COL21A1: variants seen among roughly 807,000 people sequenced by gnomAD.
COL21A1 encodes the protein collagen alpha-1(XXI) chain.
COL21A1 carries 149 observed loss-of-function variants against 137.9 expected under a neutral mutation model. The ratio of observed to expected loss-of-function variants is 1.08; its 90% CI spans 0.95 to 1.24. The LOEUF (loss-of-function observed/expected upper bound fraction) is 1.24. COL21A1 is among the 50% of genes most tolerant of loss of function. The pLI is 0.00. For missense variants in COL21A1, 1,167 were observed against 1,158.4 expected, an observed-to-expected ratio of 1.01 and a Z score of -0.11; for synonymous variants, 456 against 391.5, an observed-to-expected ratio of 1.16 and a Z score of -1.95.
At chr6:56,094,533 A>G (rs1769150004) in intron 17 of COL21A1, among the ~76,000 whole-genome samples, 1 of 152,162 alleles carries the variant, frequency 6.6e-6, no homozygotes, top group South Asian at 2.1e-4. Flanking sequence ...CATGTGTCTC[A>G]AAATTCTTAC....
At chr6:56,064,785 G>T (rs370746904) in intron 23 of COL21A1, among the ~76,000 whole-genome samples, 163 bp from the exon 24 acceptor site, 1 of 151,908 alleles carries the variant, frequency 6.6e-6, no homozygotes, top group Non-Finnish European at 1.5e-5. Flanking sequence ...GTTACTCAGC[G>T]AAAAAGAAGA....
At chr6:56,233,372 T>C (rs1781704599) in intron 1 of COL21A1, among the ~76,000 whole-genome samples, 1 of 151,810 alleles carries the variant, frequency 6.6e-6, no homozygotes, top group African/African-American at 2.4e-5. Flanking sequence ...TTAACAGCCA[T>C]AGAAACAGTT....
chr6:56,106,873 G>A (rs1053854784), intron 16 of COL21A1, among the ~76,000 whole-genome samples: 5 of 151,710 alleles, frequency 3.3e-5, no homozygotes, highest in Non-Finnish European at 5.9e-5. Flanking sequence ...TGCAAGCTCC[G>A]CCTCCCGGGT....
intron 17 of COL21A1, among the ~76,000 whole-genome samples, chr6:56,098,608 TATATATAAATATATATAA>T (rs1770027542): frequency 9.8e-5 from 1 of 10,188 alleles, no homozygotes; most frequent in Non-Finnish European, 1.9e-4. Context: ...TATATATAAA[TATATATAAATATATATAA>T]ATATATATAT....
At chr6:56,219,149 G>A (rs1338540757) in intron 1 of COL21A1, among the ~76,000 whole-genome samples, 1 of 143,218 alleles carries the variant, frequency 7.0e-6, no homozygotes, top group African/African-American at 2.6e-5. Flanking sequence ...AACAACCAGC[G>A]ACTGCTAGCT....
chr6:56,110,697 A>G (rs1378598135), intron 16 of COL21A1, among the ~76,000 whole-genome samples: 1 of 152,068 alleles, frequency 6.6e-6, no homozygotes, highest in Non-Finnish European at 1.5e-5. Context: ...GCTAGCAACA[A>G]ACTGAAAAAT....
upstream of COL21A1, among the ~76,000 whole-genome samples, chr6:56,250,718 A>G (rs887494631): frequency 1.9e-4 from 29 of 152,204 alleles, no homozygotes; most frequent in Non-Finnish European, 1.6e-4. Context: ...TTAAGCTGCT[A>G]AATTTGTGGT....
intron 1 of COL21A1, among the ~76,000 whole-genome samples, chr6:56,208,015 T>A (rs1779902643): frequency 6.6e-6 from 1 of 152,116 alleles, no homozygotes; most frequent in African/African-American, 2.4e-5. Context: ...ATAAGCTAGG[T>A]ATCGATGGAA....
At chr6:56,309,754 T>C (rs184976391) in intron 1 of COL21A1, among the ~76,000 whole-genome samples, 1 of 152,172 alleles carries the variant, frequency 6.6e-6, no homozygotes, top group Non-Finnish European at 1.5e-5. Context: ...ATCATAATGG[T>C]CTTTAGAACA....
chr6:56,284,710 A>AT (rs1763863410), intron 1 of COL21A1, among the ~76,000 whole-genome samples: 1 of 152,012 alleles, frequency 6.6e-6, no homozygotes, highest in South Asian at 2.1e-4. Context: ...AATAAAATCA[A>AT]TCTCATTACG....
Position 56,362,307 on chromosome 6 carries a change from AG to A in COL21A1, c.-39+31663del, listed in dbSNP as rs374727312. ...GTTATCTCTGTGTGGTGGGACTATG[AG>A]TGCCTTAAGTTTTCTTATTTTTGCT... On this transcript the variant is annotated intron_variant, in intron 1 of 28. Coordinates refer to the COL21A1 transcript ENST00000370819. Among the ~76,000 whole-genome samples the A allele has an allele frequency of 2.7e-4, 41 of 152,300 alleles. 2 individuals carry two copies. The South Asian group carries it at 8.5e-3, about 32-fold the overall frequency.
intron 1 of COL21A1, among the ~76,000 whole-genome samples, chr6:56,380,679 C>T (rs1236229946): frequency 6.6e-6 from 1 of 152,088 alleles, no homozygotes; most frequent in Non-Finnish European, 1.5e-5. Context: ...CTATTTAGTG[C>T]CATATTTTCC....
rs1774078415 is a variant in COL21A1, at chr6:56,137,347, T to C, written c.1542+4438A>G. Among the ~76,000 whole-genome samples, 3 of 152,108 alleles carry C rather than the reference T, an allele frequency of 2.0e-5. 1 individual carries two copies. In the South Asian group the frequency reaches 6.2e-4, roughly 32 times the overall value. ...CAGTAAAAACCGTGAAAGCACCCAATACATAAAGTTTTGTACAGATCCGTG... is the reference window on the plus strand; with the variant it reads ...CAGTAAAAACCGTGAAAGCACCCAACACATAAAGTTTTGTACAGATCCGTG... On this transcript the variant is annotated intron_variant, in intron 12 of 29. Transcript: ENST00000244728.
chr6:56,295,060 T>C (rs890551061), intron 1 of COL21A1, among the ~76,000 whole-genome samples: 22 of 152,110 alleles, frequency 1.4e-4, no homozygotes, highest in African/African-American at 5.3e-4. Flanking sequence ...TCTACAGTTT[T>C]GCATTTTGCA....
chr6:56,090,294 G>A (rs1017823973), intron 17 of COL21A1, among the ~76,000 whole-genome samples: 12 of 152,120 alleles, frequency 7.9e-5, no homozygotes, highest in African/African-American at 2.9e-4. Context: ...TAGACACAGA[G>A]CTTCTAAATT....
At chr6:56,263,068 A>G (rs957104100) in intron 1 of COL21A1, among the ~76,000 whole-genome samples, 8 of 152,356 alleles carry the variant, frequency 5.3e-5, no homozygotes, top group Middle Eastern at 3.4e-3. Flanking sequence ...GCCCTAAACC[A>G]TACAATCCCA....
intron 3 of COL21A1, among the ~76,000 whole-genome samples, chr6:56,173,474 A>G (rs1168544887): frequency 6.8e-6 from 1 of 148,006 alleles, no homozygotes; most frequent in Non-Finnish European, 1.5e-5. Context: ...AATGAAAAGG[A>G]CTCACTTTAA....
chr6:56,058,988 T>C (rs1765561428), intron 29 of COL21A1, among the ~76,000 whole-genome samples, 177 bp downstream of exon 29: 1 of 152,190 alleles, frequency 6.6e-6, no homozygotes, highest in Admixed American at 6.5e-5. Context: ...GAAGGATTCA[T>C]AAATTGAGGA....
intron 1 of COL21A1, among the ~76,000 whole-genome samples, chr6:56,336,777 T>A (rs1765336885): frequency 6.6e-6 from 1 of 152,210 alleles, no homozygotes; most frequent in East Asian, 1.9e-4. Context: ...TTCTCACTGC[T>A]CTGTGATTTA....
Sources: allele counts gnomAD v4.1 joint callset (sites outside exome capture counted in the v4.1 genomes callset), GRCh38; gene constraint gnomAD v4.1.1; transcripts MANE v1.5; gene names NCBI Gene and HGNC (gene_info 2026-07-23, HGNC 2026-07-21).